Variants in FIGNL2 observed in about 807,000 individuals in gnomAD.
FIGNL2 encodes the protein fidgetin-like protein 2.
For synonymous variants in FIGNL2, 565 were observed against 484.0 expected, an observed-to-expected ratio of 1.17 and a Z score of -2.20; for missense variants, 1,060 against 950.2, an observed-to-expected ratio of 1.12 and a Z score of -1.52.
At chr12:51,832,356 C>G (rs1231674734) in intron 1 of FIGNL2, among the ~76,000 whole-genome samples, 1 of 151,918 alleles carries the variant, frequency 6.6e-6, no homozygotes, top group Non-Finnish European at 1.5e-5. Flanking sequence ...TACATTCTAT[C>G]TCTCTCTCTT....
In FIGNL2 at chr12:51,826,477, A is replaced by AC. The variant is rs1939345340; in HGVS notation, c.-11-4054_-11-4053insG. ...AACCCCTCTGTACTAAAAATACAAA[A>AC]AAAAAAAAAAAATTAGCCGGGCGTG... On this transcript the variant is annotated intron_variant, in intron 1 of 1. Coordinates refer to ENST00000618634, the MANE Select transcript of FIGNL2 (RefSeq NM_001384995.1). 7.9e-5 allele frequency among the ~76,000 whole-genome samples: 12 copies of AC among 151,440 alleles called. 1 individual carries two copies. The South Asian group carries it at 2.3e-3, about 29-fold the overall frequency.
Position 51,820,307 on chromosome 12 carries a change from A to C in FIGNL2, c.*145T>G. Reference sequence around the variant, plus strand: ...CATTTTCCTTCCCACGAAAAAAAAAATATCCACCGGCAGACCCCTCCTGTC... The same window carrying C: ...CATTTTCCTTCCCACGAAAAAAAAACTATCCACCGGCAGACCCCTCCTGTC... On this transcript the variant is annotated 3_prime_UTR_variant, in exon 2 of 2. Transcript: ENST00000618634. The C allele has an allele frequency of 9.2e-7, 1 of 1,090,288 alleles. No homozygotes were observed. Among genetic ancestry groups the C allele is most frequent in the Non-Finnish European group, 1.3e-6 (1 of 793,256 alleles). 67.5% of individuals were successfully genotyped at this position (1,090,288 alleles called of 1,614,324 possible). A position where few individuals can be genotyped will look rare whatever the true frequency, so the allele number is the denominator to read the frequency against.
intron 1 of FIGNL2, among the ~76,000 whole-genome samples, chr12:51,827,048 G>C (rs1939360538): frequency 6.6e-6 from 1 of 152,222 alleles, no homozygotes; most frequent in Admixed American, 6.5e-5. Flanking sequence ...TCCTCCCCTA[G>C]CCCGCTATAG....
At position 51,845,649 on chromosome 12, in the gene FIGNL2, G is replaced by T. The variant is rs956685629; in HGVS notation, c.-12+2891C>A. On this transcript the variant is annotated intron_variant, in intron 1 of 1. Transcript: ENST00000618634. Reference sequence around the variant, plus strand: ...AACCGCCAAGTCCAGGAGAGGCAAAGTTCTGCTAGAAGGCACAGGGAAGGT... The same window carrying T: ...AACCGCCAAGTCCAGGAGAGGCAAATTTCTGCTAGAAGGCACAGGGAAGGT... The T allele has an allele frequency of 7.6e-5, 75 of 985,292 alleles. No homozygotes were observed. The Admixed American group carries it at 8.6e-4, about 11-fold the overall frequency. 61.0% of individuals were successfully genotyped at this position (985,292 alleles called of 1,614,324 possible). A position where few individuals can be genotyped will look rare whatever the true frequency, so the allele number is the denominator to read the frequency against.
chr12:51,848,135 C>T, intron 1 of FIGNL2: 1 of 985,250 alleles, frequency 1.0e-6, no homozygotes, highest in Non-Finnish European at 1.2e-6. Context: ...GTGGGAGGGG[C>T]CTGCGGGCCG....
At position 51,822,074 on chromosome 12, in the gene FIGNL2, C is replaced by T. The variant is rs770670236; in HGVS notation, c.340G>A (p.Gly114Ser). The T allele has an allele frequency of 6.8e-6, 11 of 1,610,926 alleles. No homozygotes were observed. In the East Asian group the frequency reaches 8.9e-5, roughly 13 times the overall value. ...CCGCCCGATTTGGTTCCTGGGAGGC[C>T]TTCGTGGAGTGAGGCCAAGGGGTAG... ...PPYPLASLHE[G>S]LPGTKSGGGG... The change falls in exon 2 of 2, where the codon GGC becomes AGC. Residue 114 changes from glycine (G) to serine (S), a missense_variant. Physicochemically the swap from Gly to Ser is moderately conservative, Grantham distance 56. Transcript: ENST00000618634.
Position 51,821,921 on chromosome 12 carries a change from C to T in FIGNL2, c.493G>A (p.Gly165Arg), listed in dbSNP as rs1939216324. 9.3e-6 allele frequency: 14 copies of T among 1,499,454 alleles called. No individual in the cohort carries two copies. The highest frequency in any genetic ancestry group is 1.4e-5 in the African/African-American group (1 of 69,162). 92.9% of individuals were successfully genotyped at this position (1,499,454 alleles called of 1,614,324 possible). The change falls in exon 2 of 2, where the codon GGG becomes AGG. Residue 165 changes from glycine to arginine, a missense_variant. Gly to Arg is a moderately radical substitution (Grantham distance 125, BLOSUM62 -2). Transcript: ENST00000618634. The stretch of plus-strand genomic sequence containing the variant: ...GCGCAGTAACCCGGCGCCAGGTACC[C>T]CCCGCCGTAGCCGGCCGCGTACTCG... ...APEYAAGYGG[G>R]YLAPGYCAQT... is the part of the protein sequence containing the mutation.
Position 51,821,856 on chromosome 12 carries a change from C to A in FIGNL2, c.558G>T (p.Ala186=). ...CCGGAGGCGGTGGGGGCTGCAGGAG[C>A]GCGGCCGGGGGCGGCGGGGGCAGCG... The part of the protein sequence containing the change: ...GAALPPPPPA[A]LLQPPPPPGY... The change falls in exon 2 of 2, where the codon GCG becomes GCT. Residue 186 remains alanine, a synonymous_variant. Transcript: ENST00000618634. 2 of 1,292,400 alleles carry A rather than the reference C, an allele frequency of 1.5e-6. No individual in the cohort carries two copies. Among genetic ancestry groups the A allele is most frequent in the South Asian group, 5.7e-5 (2 of 35,064 alleles). The allele number at this position is 1,292,400 out of a possible 1,614,324, so 80.1% of individuals were successfully genotyped here.
At chr12:51,831,860 A>G (rs1939478819) in intron 1 of FIGNL2, 1 of 154,212 alleles carries the variant, frequency 6.5e-6, no homozygotes. Context: ...TACATTTTTG[A>G]GACAAGGTCT....
chr12:51,822,521 G>GACAGGCTGGGCTTCCGGC, intron 1 of FIGNL2, 97 bp from the exon 2 acceptor site: 1 of 1,437,650 alleles, frequency 7.0e-7, no homozygotes, highest in Non-Finnish European at 9.5e-7. Flanking sequence ...CTGCGGCTTG[G>GACAGGCTGGGCTTCCGGC]ACAGGCTGGG....
At chr12:51,838,063 T>A (rs574638073) in intron 1 of FIGNL2, 10 of 152,516 alleles carry the variant, frequency 6.6e-5, no homozygotes, top group African/African-American at 2.4e-4. Flanking sequence ...CATGGGCCAC[T>A]AGAAGTGTTC....
intron 1 of FIGNL2, chr12:51,832,040 C>CA (rs924303643): frequency 2.0e-4 from 31 of 152,218 alleles, no homozygotes; most frequent in African/African-American, 5.8e-4. Flanking sequence ...TATTTTGAGA[C>CA]AGAGTTTTGC....
chr12:51,818,228 G>A lies in FIGNL2; in HGVS notation c.*2224C>T, dbSNP rs1299362871. The A allele has an allele frequency of 6.6e-6, 1 of 152,138 alleles. No homozygotes were observed. The highest frequency in any genetic ancestry group is 1.5e-5 in the Non-Finnish European group (1 of 68,076). The allele number at this position is 152,138 out of a possible 1,614,324, so 9.4% of individuals were successfully genotyped here. A position where few individuals can be genotyped will look rare whatever the true frequency, so the allele number is the denominator to read the frequency against. On this transcript the variant is annotated 3_prime_UTR_variant, in exon 2 of 2. Coordinates refer to ENST00000618634, the MANE Select transcript of FIGNL2 (RefSeq NM_001384995.1). ...CCATGAGGTAGGTGCCACTAGGCTG[G>A]GGGCAGTCTCCTTGTGCAAAGCTCC...
chr12:51,823,265 C>T (rs1005686399), intron 1 of FIGNL2, among the ~76,000 whole-genome samples: 2 of 152,252 alleles, frequency 1.3e-5, no homozygotes, highest in Admixed American at 1.3e-4. Context: ...GAGAAGACCG[C>T]GGAAAGTTAA....
intron 1 of FIGNL2, among the ~76,000 whole-genome samples, chr12:51,839,441 C>T (rs1191992493): frequency 6.6e-6 from 1 of 152,198 alleles, no homozygotes; most frequent in Non-Finnish European, 1.5e-5. Context: ...ATGTTCCCCA[C>T]CACAGCTGGC....
intron 1 of FIGNL2, among the ~76,000 whole-genome samples, chr12:51,825,455 C>G (rs1286002738): frequency 6.6e-6 from 1 of 152,120 alleles, no homozygotes; most frequent in Non-Finnish European, 1.5e-5. Flanking sequence ...GATCCTCTGG[C>G]CCTGGCTGTC....
intron 1 of FIGNL2, among the ~76,000 whole-genome samples, chr12:51,832,829 G>A (rs1165768806): frequency 6.6e-6 from 1 of 152,160 alleles, no homozygotes; most frequent in East Asian, 1.9e-4. Context: ...ATGCCCAAAA[G>A]TGAAACTCCG....
In FIGNL2 at chr12:51,848,020, C is replaced by T. The variant is rs759869821; in HGVS notation, c.-12+520G>A. ...CGGGGACCCTAAGTAGCCTCGGCCTCCTGTCACTGCCCCGTCACCATGCTG... is the reference window on the plus strand; with the variant it reads ...CGGGGACCCTAAGTAGCCTCGGCCTTCTGTCACTGCCCCGTCACCATGCTG... On this transcript the variant is annotated intron_variant, in intron 1 of 1. Transcript: ENST00000618634. 990 of 718,450 alleles carry T rather than the reference C, an allele frequency of 1.4e-3. 2 individuals carry two copies. Among genetic ancestry groups the T allele is most frequent in the Non-Finnish European group, 1.6e-3 (965 of 586,108 alleles). The allele number at this position is 718,450 out of a possible 1,614,324, so 44.5% of individuals were successfully genotyped here.
At chr12:51,829,103 C>T (rs1165097217) in intron 1 of FIGNL2, among the ~76,000 whole-genome samples, 2 of 152,192 alleles carry the variant, frequency 1.3e-5, no homozygotes, top group Admixed American at 6.5e-5. Context: ...GGCTCCAGGC[C>T]GGTGTGGAGA....
Sources: gnomAD v4.1 joint callset for allele counts (sites outside exome capture counted in the v4.1 genomes callset) on GRCh38, gnomAD v4.1.1 for gene constraint, MANE v1.5 for transcripts, NCBI Gene and HGNC (gene_info 2026-07-23, HGNC 2026-07-21) for gene names.